Variants in RERE observed in about 807,000 individuals in gnomAD.
RERE encodes arginine-glutamic acid dipeptide repeats.
RERE carries 40 observed loss-of-function variants against 146.1 expected under a neutral mutation model. The observed-to-expected ratio is 0.27, with a 90% CI of 0.21 to 0.36. The LOEUF (loss-of-function observed/expected upper bound fraction) is 0.36. RERE is among the 10% of genes least tolerant of loss of function. The pLI is 1.00. For synonymous variants in RERE, 1,003 were observed against 866.0 expected, an observed-to-expected ratio of 1.16 and a Z score of -2.78; for missense variants, 1,933 against 2,138.7, an observed-to-expected ratio of 0.90 and a Z score of 1.90.
At chr1:8,498,768 C>CACACACACACAT (rs1282395845) in intron 8 of RERE, among the ~76,000 whole-genome samples, 8 of 139,184 alleles carry the variant, frequency 5.7e-5, no homozygotes, top group Non-Finnish European at 1.0e-4. Context: ...CACACACACA[C>CACACACACACAT]ATATGTAGTT....
At chr1:8,547,851 A>T (rs1438060785) in intron 6 of RERE, among the ~76,000 whole-genome samples, 1 of 152,214 alleles carries the variant, frequency 6.6e-6, no homozygotes. Context: ...CAGCAATCCC[A>T]CTATTATAAA....
chr1:8,566,924 G>T (rs1472883061), intron 4 of RERE, among the ~76,000 whole-genome samples: 2 of 151,782 alleles, frequency 1.3e-5, no homozygotes, highest in Non-Finnish European at 2.9e-5. Flanking sequence ...CTGAGTAGCT[G>T]GGACTACAGC....
intron 12 of RERE, among the ~76,000 whole-genome samples, chr1:8,382,437 C>G (rs1642489210): frequency 6.6e-6 from 1 of 152,266 alleles, no homozygotes; most frequent in African/African-American, 2.4e-5. Flanking sequence ...GGCTCAGCCA[C>G]GTGCGCATGC....
intron 1 of RERE, among the ~76,000 whole-genome samples, chr1:8,712,574 AGGGCAG>A (rs1418881178): frequency 2.6e-5 from 4 of 152,210 alleles, no homozygotes; most frequent in Non-Finnish European, 5.9e-5. Flanking sequence ...TCTCCAGAAT[AGGGCAG>A]GTCCTTTAAT....
intron 1 of RERE, among the ~76,000 whole-genome samples, chr1:8,791,117 T>C (rs1641355758): frequency 6.6e-6 from 1 of 152,176 alleles, no homozygotes; most frequent in Admixed American, 6.5e-5. Context: ...ATTTACTCTC[T>C]ACTCCCTAGG....
chr1:8,377,621 T>TA (rs1553158421), intron 12 of RERE, among the ~76,000 whole-genome samples: 5 of 152,180 alleles, frequency 3.3e-5, no homozygotes, highest in Non-Finnish European at 7.3e-5. Context: ...ATAAAACTGT[T>TA]AAAACTACCA....
intron 1 of RERE, among the ~76,000 whole-genome samples, chr1:8,709,481 G>A (rs1457596289): frequency 1.3e-5 from 2 of 152,004 alleles, no homozygotes; most frequent in Admixed American, 6.6e-5. Context: ...CACTTAACAG[G>A]CTGAAGGTTT....
rs868462071 is a variant in RERE at position 8,502,526 on chromosome 1, G to A, written c.880-4997C>T. On this transcript the variant is annotated intron_variant, in intron 8 of 22. Coordinates refer to ENST00000400908, the MANE Select transcript of RERE (RefSeq NM_001042681.2). ...CGGGAGGTCAGGGGCGCTTCTGCCC[G>A]GCCGCCCCTACTGGGAAGTGAGGAG... Among the ~76,000 whole-genome samples, 325 of 134,298 alleles carry A rather than the reference G, an allele frequency of 2.4e-3. 4 individuals are homozygous for A. In the South Asian group the frequency reaches 0.025, roughly 10 times the overall value. The allele number at this position is 134,298 out of a possible 152,430, so 88.1% of individuals were successfully genotyped here.
chr1:8,660,555 C>T (rs969754009), intron 1 of RERE, among the ~76,000 whole-genome samples: 2 of 152,196 alleles, frequency 1.3e-5, no homozygotes, highest in African/African-American at 4.8e-5. Flanking sequence ...CCAATGGGCA[C>T]GAAGTAGGAT....
intron 1 of RERE, among the ~76,000 whole-genome samples, chr1:8,709,250 A>C (rs539868780): frequency 2.1e-4 from 32 of 151,816 alleles, no homozygotes; most frequent in African/African-American, 7.7e-4. Context: ...AAAAAGAAAA[A>C]TATAAAATTC....
rs529834969 is a variant in RERE, at chr1:8,448,332, A to G, written c.1203+17593T>C. On this transcript the variant is annotated intron_variant, in intron 11 of 22. Transcript: ENST00000400908. ...GGTCCAAGGCACAGACTCAACCAGAAAGCAGGTTTACCAACACTTTTGTCT... is the reference window on the plus strand; with the variant it reads ...GGTCCAAGGCACAGACTCAACCAGAGAGCAGGTTTACCAACACTTTTGTCT... Among the ~76,000 whole-genome samples, 18 of 152,298 alleles carry G rather than the reference A, an allele frequency of 1.2e-4. No homozygotes were observed. In the South Asian group the frequency reaches 3.7e-3, roughly 32 times the overall value.
At chr1:8,681,993 C>T (rs1368996205) in intron 1 of RERE, among the ~76,000 whole-genome samples, 1 of 152,132 alleles carries the variant, frequency 6.6e-6, no homozygotes, top group African/African-American at 2.4e-5. Flanking sequence ...GTATATTCTA[C>T]TCTCATTTCA....
chr1:8,632,478 T>C (rs943004851), intron 2 of RERE, among the ~76,000 whole-genome samples: 2 of 150,920 alleles, frequency 1.3e-5, no homozygotes, highest in African/African-American at 5.0e-5. Flanking sequence ...TATTATAAAC[T>C]AGTAATCCAT....
chr1:8,784,277 C>T (rs1641221727), intron 1 of RERE, among the ~76,000 whole-genome samples: 1 of 152,216 alleles, frequency 6.6e-6, no homozygotes, highest in South Asian at 2.1e-4. Context: ...TGAGGCCTAT[C>T]CTGACTCCCC....
intron 2 of RERE, among the ~76,000 whole-genome samples, chr1:8,649,387 G>C (rs1481083048): frequency 2.6e-5 from 4 of 152,090 alleles, no homozygotes; most frequent in Non-Finnish European, 5.9e-5. Flanking sequence ...TCATCAATGA[G>C]TCAATAATTT....
At position 8,582,612 on chromosome 1, in the gene RERE, C is replaced by T. The variant is rs540707948; in HGVS notation, c.523-25089G>A. Among the ~76,000 whole-genome samples, 1,208 of 152,100 alleles carry T rather than the reference C, an allele frequency of 7.9e-3. 12 individuals are homozygous for T. The highest frequency in any genetic ancestry group is 0.028 in the African/African-American group (1,154 of 41,458). Reference sequence around the variant, plus strand: ...TGGTGGGCACCTGTAATGCCAGCTACTGGGGAGGCTGAAGCAGGAGAATTG... The same window carrying T: ...TGGTGGGCACCTGTAATGCCAGCTATTGGGGAGGCTGAAGCAGGAGAATTG... On this transcript the variant is annotated intron_variant, in intron 4 of 22. Transcript: ENST00000400908.
chr1:8,602,040 C>G (rs941111861), intron 4 of RERE, among the ~76,000 whole-genome samples: 1 of 152,184 alleles, frequency 6.6e-6, no homozygotes, highest in Non-Finnish European at 1.5e-5. Context: ...GTACCCTTCT[C>G]TCTAATAAAA....
At chr1:8,424,999 CG>C (rs1182526772) in intron 11 of RERE, 1 of 152,362 alleles carries the variant, frequency 6.6e-6, no homozygotes, top group Admixed American at 6.5e-5. Context: ...TCAGGCCGCA[CG>C]GAAGAGTTCC....
At chr1:8,501,803 G>A (rs1645163558) in intron 8 of RERE, among the ~76,000 whole-genome samples, 1 of 128,358 alleles carries the variant, frequency 7.8e-6, no homozygotes, top group South Asian at 2.5e-4. Flanking sequence ...CGACCGGGAG[G>A]TGAGGGGCGC....
Sources: allele counts gnomAD v4.1 joint callset (sites outside exome capture counted in the v4.1 genomes callset), GRCh38; gene constraint gnomAD v4.1.1; transcripts MANE v1.5; gene names NCBI Gene and HGNC (gene_info 2026-07-23, HGNC 2026-07-21).